TTC3: variants seen among roughly 807,000 people sequenced by gnomAD.
TTC3 encodes the protein tetratricopeptide repeat domain 3.
A neutral mutation model predicts 249.6 loss-of-function variants in TTC3; 180 were observed. That is an observed-to-expected ratio of 0.72 (90% CI 0.64 to 0.82). The LOEUF (loss-of-function observed/expected upper bound fraction) is 0.82, where lower values mean the gene tolerates loss of function less well. Ranked by LOEUF, TTC3 falls within the 40% of genes least tolerant of loss-of-function variation. The pLI, the probability that TTC3 is intolerant of heterozygous loss-of-function variation, is 0.00. For synonymous variants in TTC3, 717 were observed against 805.0 expected, an observed-to-expected ratio of 0.89 and a Z score of 1.85; for missense variants, 2,061 against 2,398.4, an observed-to-expected ratio of 0.86 and a Z score of 2.94.
chr21:37,105,989 A>G (rs1170502746), intron 10 of TTC3, among the ~76,000 whole-genome samples: 2 of 152,132 alleles, frequency 1.3e-5, no homozygotes, highest in African/African-American at 4.8e-5. Context: ...GGGTATGCTT[A>G]TATGCATTTA....
chr21:37,146,544 A>G (rs1427808303), intron 21 of TTC3, among the ~76,000 whole-genome samples: 1 of 152,088 alleles, frequency 6.6e-6, no homozygotes, highest in East Asian at 1.9e-4. Context: ...TACTGATAAC[A>G]TGCTGCAGCA....
intron 36 of TTC3, among the ~76,000 whole-genome samples, 177 bp downstream of exon 36, chr21:37,183,090 A>G (rs1254001941): frequency 6.6e-6 from 1 of 152,130 alleles, no homozygotes; most frequent in Non-Finnish European, 1.5e-5. Context: ...TCTCACCTGA[A>G]TTTTTTTCTA....
intron 7 of TTC3, among the ~76,000 whole-genome samples, chr21:37,092,803 A>AT (rs893108171): frequency 1.3e-5 from 2 of 151,714 alleles, no homozygotes; most frequent in African/African-American, 2.4e-5. Flanking sequence ...GTTGCAATAA[A>AT]TTTTTTTTTG....
intron 11 of TTC3, among the ~76,000 whole-genome samples, chr21:37,109,108 G>C (rs917382764): frequency 6.6e-6 from 1 of 152,138 alleles, no homozygotes; most frequent in Non-Finnish European, 1.5e-5. Flanking sequence ...AATAGGAACA[G>C]CTCCAGTCTA....
At chr21:37,134,609 C>T (rs1384688415) in intron 17 of TTC3, among the ~76,000 whole-genome samples, 1 of 152,126 alleles carries the variant, frequency 6.6e-6, no homozygotes, top group Non-Finnish European at 1.5e-5. Context: ...ATGGCGCACA[C>T]GTGTATAGCA....
intron 1 of TTC3, among the ~76,000 whole-genome samples, chr21:37,074,237 A>AG (rs1029896827): frequency 6.6e-6 from 1 of 152,166 alleles, no homozygotes; most frequent in African/African-American, 2.4e-5. Flanking sequence ...GCTAATGGGA[A>AG]GGGGGGTGGA....
chr21:37,111,088 C>T (rs2075614129), intron 11 of TTC3, among the ~76,000 whole-genome samples: 1 of 152,140 alleles, frequency 6.6e-6, no homozygotes, highest in Non-Finnish European at 1.5e-5. Flanking sequence ...CGGTACCAGC[C>T]ACTGCAAAAA....
In TTC3 at chr21:37,180,315, C is replaced by T. The variant is rs566358008; in HGVS notation, c.4618-2459C>T. Among the ~76,000 whole-genome samples, 702 of 152,174 alleles carry T rather than the reference C, an allele frequency of 4.6e-3. 9 individuals carry two copies. The highest frequency in any genetic ancestry group is 0.016 in the African/African-American group (673 of 41,532). ...ACTCTCACTCATGGTTTTGTATTGT[C>T]ATTCCTCTCTCTCTATTCTGTTTTC... On this transcript the variant is annotated intron_variant, in intron 35 of 45. Coordinates refer to ENST00000355666, the Ensembl canonical transcript of TTC3.
intron 11 of TTC3, among the ~76,000 whole-genome samples, chr21:37,115,174 T>TATAATAATAATAATAATAATAATAATA (rs1246754731): frequency 3.5e-5 from 5 of 144,500 alleles, no homozygotes; most frequent in African/African-American, 1.3e-4. Flanking sequence ...AAACTTAAAG[T>TATAATAATAATAATAATAATAATAATA]ATAATAATAA....
chr21:37,079,495 C>G (rs933871130), intron 1 of TTC3, among the ~76,000 whole-genome samples: 6 of 119,120 alleles, frequency 5.0e-5, no homozygotes, highest in Non-Finnish European at 1.0e-4. Flanking sequence ...GAAATTTGTC[C>G]TTTCATCAAG....
intron 38 of TTC3, chr21:37,187,924 C>G (rs906476754): frequency 6.6e-6 from 1 of 152,170 alleles, no homozygotes; most frequent in East Asian, 1.9e-4. Flanking sequence ...GCCTGGTGGG[C>G]CCTGTCAAGT....
intron 18 of TTC3, among the ~76,000 whole-genome samples, chr21:37,138,313 A>G (rs577076562): frequency 6.6e-6 from 1 of 152,272 alleles, no homozygotes; most frequent in East Asian, 1.9e-4. Flanking sequence ...TAGCTAAGTA[A>G]ATGTCTTAAT....
chr21:37,079,003 G>T (rs2071259908), intron 1 of TTC3, among the ~76,000 whole-genome samples: 1 of 152,146 alleles, frequency 6.6e-6, no homozygotes, highest in Admixed American at 6.5e-5. Context: ...ATGCTTTTCT[G>T]CATTTGTTGA....
chr21:37,088,498 T>C, intron 4 of TTC3, 152 bp downstream of exon 4: 2 of 992,300 alleles, frequency 2.0e-6, no homozygotes, highest in Non-Finnish European at 2.9e-6. Flanking sequence ...TACTTGAGAT[T>C]TGGATATGAA....
chr21:37,184,385 C>A (rs933161457), intron 36 of TTC3, among the ~76,000 whole-genome samples: 1 of 151,452 alleles, frequency 6.6e-6, no homozygotes, highest in Non-Finnish European at 1.5e-5. Flanking sequence ...GACTTTTTTC[C>A]ATTTTATTAT....
chr21:37,153,687 A>G (rs2079708688), intron 27 of TTC3, among the ~76,000 whole-genome samples: 1 of 152,220 alleles, frequency 6.6e-6, no homozygotes, highest in African/African-American at 2.4e-5. Context: ...CCTATATTAG[A>G]CTAAACTATT....
chr21:37,161,056 C>T (rs572483131), intron 30 of TTC3, among the ~76,000 whole-genome samples, 198 bp downstream of exon 30: 6 of 151,622 alleles, frequency 4.0e-5, no homozygotes, highest in African/African-American at 1.5e-4. Context: ...CAAGTCTTGA[C>T]ACTCGTATTC....
At chr21:37,174,608 A>G (rs962428104) in intron 35 of TTC3, among the ~76,000 whole-genome samples, 2 of 152,132 alleles carry the variant, frequency 1.3e-5, no homozygotes, top group African/African-American at 4.8e-5. Flanking sequence ...CAGTTACTTG[A>G]TGCCATGTTT....
intron 22 of TTC3, among the ~76,000 whole-genome samples, 190 bp downstream of exon 22, chr21:37,147,793 A>G (rs1031344524): frequency 4.0e-5 from 6 of 150,668 alleles, no homozygotes; most frequent in African/African-American, 9.8e-5. Flanking sequence ...CAGTGGCACG[A>G]TCTTGGCTCA....
Sources: allele counts gnomAD v4.1 joint callset (sites outside exome capture counted in the v4.1 genomes callset), GRCh38; gene constraint gnomAD v4.1.1; transcripts MANE v1.5; gene names NCBI Gene and HGNC (gene_info 2026-07-23, HGNC 2026-07-21).